The following CNTN5 variants were observed in gnomAD, a reference collection of about 807,000 sequenced individuals.
The protein encoded by CNTN5 is contactin-5.
Under a neutral mutation model 129.1 loss-of-function variants are expected in CNTN5, and 77 were observed. The ratio of observed to expected loss-of-function variants is 0.60; its 90% CI spans 0.50 to 0.72. The LOEUF is 0.72. Ranked by LOEUF, CNTN5 falls within the 30% of genes least tolerant of loss-of-function variation. CNTN5 has a pLI of 0.00. For synonymous variants in CNTN5, 509 were observed against 465.6 expected, an observed-to-expected ratio of 1.09 and a Z score of -1.20; for missense variants, 1,478 against 1,328.8, an observed-to-expected ratio of 1.11 and a Z score of -1.75.
intron 15 of CNTN5, among the ~76,000 whole-genome samples, chr11:100,207,094 C>A (rs1254194927): frequency 2.6e-5 from 4 of 152,030 alleles, no homozygotes; most frequent in African/African-American, 7.2e-5. Flanking sequence ...TAAGACCAGG[C>A]CAGTGTCACC....
chr11:99,367,826 A>G (rs11219647), intron 2 of CNTN5, among the ~76,000 whole-genome samples: 8,778 of 152,218 alleles, frequency 0.058, 584 homozygotes, highest in East Asian at 0.2. Context: ...AGCTATGAAT[A>G]TCATAGGCTG....
intron 1 of CNTN5, among the ~76,000 whole-genome samples, chr11:99,046,650 G>C (rs1195005427): frequency 6.6e-6 from 1 of 151,980 alleles, no homozygotes; most frequent in African/African-American, 2.4e-5. Context: ...TGAGGTTTTT[G>C]TTTATTTATT....
chr11:99,312,063 TTG>T (rs1865136994), intron 1 of CNTN5, among the ~76,000 whole-genome samples: 1 of 152,176 alleles, frequency 6.6e-6, no homozygotes, highest in South Asian at 2.1e-4. Context: ...CATTCTTTGA[TTG>T]TGACTGGGTT....
chr11:99,763,789 A>G (rs1273926063), intron 3 of CNTN5, among the ~76,000 whole-genome samples: 1 of 152,104 alleles, frequency 6.6e-6, no homozygotes, highest in African/African-American at 2.4e-5. Flanking sequence ...AAATTGGTTT[A>G]TATGAATTGT....
intron 13 of CNTN5, among the ~76,000 whole-genome samples, chr11:100,120,274 T>C (rs1945973882): frequency 6.6e-6 from 1 of 152,076 alleles, no homozygotes; most frequent in African/African-American, 2.4e-5. Flanking sequence ...TATTGACAAA[T>C]TGCTCTCCGG....
intron 3 of CNTN5, among the ~76,000 whole-genome samples, chr11:99,803,129 C>T (rs968481780): frequency 1.2e-4 from 18 of 152,028 alleles, no homozygotes; most frequent in African/African-American, 4.1e-4. Context: ...CCAGAAAGGA[C>T]GGGGTGGTTC....
rs138045265 is a variant in CNTN5, at chr11:100,070,888, T to C, written c.1299+328T>C. ...AATCCTATAAATTTTTATGAAACTA[T>C]CAATATTATCATAGATTTATTTCCA... On this transcript the variant is annotated intron_variant, in intron 11 of 24. Transcript: ENST00000524871. 2.2e-3 allele frequency among the ~76,000 whole-genome samples: 332 copies of C among 152,236 alleles called. 1 individual carries two copies. The highest frequency in any genetic ancestry group is 7.5e-3 in the African/African-American group (310 of 41,556).
intron 2 of CNTN5, among the ~76,000 whole-genome samples, chr11:99,519,524 G>T (rs1388123312): frequency 6.6e-6 from 1 of 151,980 alleles, no homozygotes; most frequent in East Asian, 1.9e-4. Context: ...ATACATTTAT[G>T]TATCATTCAC....
At chr11:99,864,451 C>A (rs977554432) in intron 6 of CNTN5, among the ~76,000 whole-genome samples, 2 of 152,032 alleles carry the variant, frequency 1.3e-5, no homozygotes, top group African/African-American at 4.8e-5. Context: ...ATTTGTGCAC[C>A]CTTTTTAGAT....
At chr11:99,856,316 C>A (rs550912403) in intron 6 of CNTN5, among the ~76,000 whole-genome samples, 1 of 152,276 alleles carries the variant, frequency 6.6e-6, no homozygotes, top group African/African-American at 2.4e-5. Flanking sequence ...GCAGTGTCAG[C>A]CTTGGTTCAA....
intron 16 of CNTN5, among the ~76,000 whole-genome samples, chr11:100,255,247 G>T (rs1950042385): frequency 6.6e-6 from 1 of 152,114 alleles, no homozygotes; most frequent in African/African-American, 2.4e-5. Flanking sequence ...AGAACCTTTT[G>T]CACCTCCCCT....
intron 1 of CNTN5, among the ~76,000 whole-genome samples, chr11:99,294,671 C>T (rs997149990): frequency 6.6e-6 from 1 of 152,120 alleles, no homozygotes; most frequent in Non-Finnish European, 1.5e-5. Context: ...CTATATTTCT[C>T]CATTATCTGC....
chr11:100,179,940 T>C (rs1033547770), intron 13 of CNTN5, among the ~76,000 whole-genome samples: 3 of 152,080 alleles, frequency 2.0e-5, no homozygotes, highest in Non-Finnish European at 4.4e-5. Context: ...AAGAAAACTT[T>C]AGGTGTAGAA....
intron 3 of CNTN5, among the ~76,000 whole-genome samples, chr11:99,702,384 C>A (rs1291677787): frequency 2.7e-5 from 4 of 150,840 alleles, no homozygotes; most frequent in Non-Finnish European, 5.9e-5. Context: ...CCATTTTCAA[C>A]CTATTGGCAA....
intron 2 of CNTN5, among the ~76,000 whole-genome samples, chr11:99,454,422 G>A (rs1488143937): frequency 6.6e-6 from 1 of 152,030 alleles, no homozygotes; most frequent in Non-Finnish European, 1.5e-5. Context: ...ATAATAGTGA[G>A]TGAGTTCTCA....
intron 2 of CNTN5, among the ~76,000 whole-genome samples, chr11:99,504,382 G>A (rs956727028): frequency 4.0e-5 from 6 of 151,714 alleles, no homozygotes; most frequent in Non-Finnish European, 1.5e-5. Flanking sequence ...CTCTACTAAA[G>A]TACAAAAAAT....
intron 3 of CNTN5, among the ~76,000 whole-genome samples, chr11:99,757,544 T>C (rs559530249): frequency 1.2e-4 from 19 of 152,056 alleles, no homozygotes; most frequent in Non-Finnish European, 2.6e-4. Context: ...TCTCTCCTTA[T>C]AAGGACCCAT....
At chr11:99,599,512 T>C (rs1950248162) in intron 3 of CNTN5, among the ~76,000 whole-genome samples, 1 of 152,182 alleles carries the variant, frequency 6.6e-6, no homozygotes. Flanking sequence ...TATTTCGGTG[T>C]TATTTCCAAA....
intron 4 of CNTN5, among the ~76,000 whole-genome samples, chr11:99,828,127 TA>T (rs1365594401): frequency 2.5e-4 from 37 of 150,186 alleles, no homozygotes; most frequent in African/African-American, 9.0e-4. Context: ...TAATAATAGT[TA>T]TATAGATCTT....
Sources: allele counts gnomAD v4.1 joint callset (sites outside exome capture counted in the v4.1 genomes callset), GRCh38; gene constraint gnomAD v4.1.1; transcripts MANE v1.5; gene names NCBI Gene and HGNC (gene_info 2026-07-23, HGNC 2026-07-21).